AGAP1: variants seen among roughly 807,000 people sequenced by gnomAD.
The protein encoded by AGAP1 is ArfGAP with GTPase domain, ankyrin repeat and PH domain 1, also known as arf-GAP with GTPase, ANK repeat and PH domain-containing protein 1.
AGAP1 carries 29 observed loss-of-function variants against 105.3 expected under a neutral mutation model. That is an observed-to-expected ratio of 0.28 (90% CI 0.21 to 0.38). The LOEUF (loss-of-function observed/expected upper bound fraction) is 0.38. Ranked by LOEUF, AGAP1 falls within the 10% of genes least tolerant of loss-of-function variation. The probability of loss-of-function intolerance (pLI) is 1.00; values close to 1 mark genes in which losing one functional copy is unlikely to be tolerated. For missense variants in AGAP1, 998 were observed against 1,165.1 expected (o/e 0.86, Z 2.09); for synonymous variants, 509 against 485.9 (o/e 1.05, Z -0.63).
In AGAP1 at chr2:235,625,102, C is replaced by T. The variant is rs547338121; in HGVS notation, c.164-84077C>T. On this transcript the variant is annotated intron_variant, in intron 1 of 17. Transcript: ENST00000304032. The surrounding 1 kb of genome is among the most constrained non-coding windows in gnomAD (Gnocchi z 4.0). ...TCCTTTAGAGTAATGCAAGAATGGACTAACACAGCAGGTGTGATCATTGGA... is the reference window on the plus strand; with the variant it reads ...TCCTTTAGAGTAATGCAAGAATGGATTAACACAGCAGGTGTGATCATTGGA... Among the ~76,000 whole-genome samples, 1 of 152,294 alleles carries T rather than the reference C, an allele frequency of 6.6e-6. No homozygotes were observed. The highest frequency in any genetic ancestry group is 2.1e-4 in the South Asian group (1 of 4,826).
At chr2:235,654,452 G>T (rs1286099940) in intron 1 of AGAP1, among the ~76,000 whole-genome samples, 3 of 152,228 alleles carry the variant, frequency 2.0e-5, no homozygotes, top group Non-Finnish European at 4.4e-5. Flanking sequence ...GATGGCTTCA[G>T]AAGGGGCACA....
At chr2:235,920,985 A>G (rs556914913) in intron 11 of AGAP1, among the ~76,000 whole-genome samples, 1 of 152,302 alleles carries the variant, frequency 6.6e-6, no homozygotes, top group South Asian at 2.1e-4. Flanking sequence ...TATGGACTAA[A>G]TTGCTTTAAA....
At chr2:235,814,863 T>A (rs897235204) in intron 9 of AGAP1, among the ~76,000 whole-genome samples, 7 of 152,122 alleles carry the variant, frequency 4.6e-5, no homozygotes, top group Non-Finnish European at 1.0e-4. Flanking sequence ...GGACTCTGGC[T>A]GCTCTGCAGA....
In AGAP1 at chr2:235,977,789, G is replaced by A. The variant is rs1037455942; in HGVS notation, c.1645+9166G>A. ...TTGACTAATGCAAAACTTAGTCTGT[G>A]TGGAAGCAACTTGGCAAATGGGGAG... On this transcript the variant is annotated intron_variant, in intron 13 of 17. Coordinates refer to ENST00000304032, the MANE Select transcript of AGAP1 (RefSeq NM_001037131.3). The surrounding 1 kb of genome is among the most constrained non-coding windows in gnomAD (Gnocchi z 5.2). 2.0e-5 allele frequency among the ~76,000 whole-genome samples: 3 copies of A among 152,312 alleles called. No homozygotes were observed. Among genetic ancestry groups the A allele is most frequent in the Admixed American group, 6.5e-5 (1 of 15,300 alleles).
rs1043161448 is a variant in AGAP1, at chr2:235,736,643, C to A, written c.311-4320C>A. Among the ~76,000 whole-genome samples the A allele has an allele frequency of 6.6e-6, 1 of 152,056 alleles. No individual in the cohort carries two copies. Among genetic ancestry groups the A allele is most frequent in the African/African-American group, 2.4e-5 (1 of 41,394 alleles). Reference sequence around the variant, plus strand: ...GCTGAGGCAGGTAGACCGCTTGAGCCCAGGAGTTCGAGACCAGCCTGGGCA... The same window carrying A: ...GCTGAGGCAGGTAGACCGCTTGAGCACAGGAGTTCGAGACCAGCCTGGGCA... On this transcript the variant is annotated intron_variant, in intron 3 of 17. Transcript: ENST00000304032. This position sits in a 1 kb window ranked among gnomAD's most constrained non-coding sequence, Gnocchi z 5.5.
In AGAP1 at chr2:235,549,084, C is replaced by G. The variant is rs917390326; in HGVS notation, c.163+54235C>G. ...GGGACCTGCTCTCCTTGTAGAGACA[C>G]AACCCCAGGGTACTTGGAGCTCATG... On this transcript the variant is annotated intron_variant, in intron 1 of 17. Coordinates refer to ENST00000304032, the MANE Select transcript of AGAP1 (RefSeq NM_001037131.3). The surrounding 1 kb of genome is among the most constrained non-coding windows in gnomAD (Gnocchi z 4.2). 3.9e-5 allele frequency among the ~76,000 whole-genome samples: 6 copies of G among 152,240 alleles called. No homozygotes were observed. Among genetic ancestry groups the G allele is most frequent in the African/African-American group, 1.4e-4 (6 of 41,474 alleles).
At chr2:235,530,808 T>G (rs1943019165) in intron 1 of AGAP1, among the ~76,000 whole-genome samples, 1 of 152,212 alleles carries the variant, frequency 6.6e-6, no homozygotes, top group Admixed American at 6.5e-5. Flanking sequence ...AAAGTCACAG[T>G]TGCAGGTTCT....
Position 236,121,986 on chromosome 2 carries a change from C to G in AGAP1, c.2370+1539C>G, listed in dbSNP as rs2059911303. On this transcript the variant is annotated intron_variant, in intron 17 of 17. Coordinates refer to ENST00000304032, the MANE Select transcript of AGAP1 (RefSeq NM_001037131.3). The surrounding 1 kb of genome is among the most constrained non-coding windows in gnomAD (Gnocchi z 4.9). ...CTTCTTTTTGGGACAAAGTCTTGCT[C>G]TGTCGTCCAGGCTGGAGTGCAGTGG... Among the ~76,000 whole-genome samples, 1 of 147,522 alleles carries G rather than the reference C, an allele frequency of 6.8e-6. No individual in the cohort carries two copies. Among genetic ancestry groups the G allele is most frequent in the East Asian group, 2.1e-4 (1 of 4,786 alleles).
At chr2:235,784,321 A>G (rs771071411) in intron 6 of AGAP1, among the ~76,000 whole-genome samples, 11 of 152,188 alleles carry the variant, frequency 7.2e-5, no homozygotes, top group Admixed American at 2.6e-4. Context: ...TTCTTTGAAG[A>G]ATTTCACTAA....
chr2:235,643,204 G>A (rs944363549), intron 1 of AGAP1, among the ~76,000 whole-genome samples: 1 of 151,888 alleles, frequency 6.6e-6, no homozygotes, highest in Admixed American at 6.6e-5. Context: ...AGGCCGAGGC[G>A]GGTGGATCAC....
chr2:236,024,019 T>TG lies in AGAP1; in HGVS notation c.1646-12542_1646-12541insG, dbSNP rs1282353029. Among the ~76,000 whole-genome samples the TG allele has an allele frequency of 1.6e-4, 13 of 81,786 alleles. No homozygotes were observed. In the South Asian group the frequency reaches 2.8e-3, roughly 17 times the overall value. 53.7% of individuals were successfully genotyped at this position (81,786 alleles called of 152,430 possible). Reference sequence around the variant, plus strand: ...GCACCCATCAGTAGTTTGTGGTTGGTTGTTTTTTTTTTTTGTTTTTTTTTT... The same window carrying TG: ...GCACCCATCAGTAGTTTGTGGTTGGTGTGTTTTTTTTTTTTGTTTTTTTTTT... On this transcript the variant is annotated intron_variant, in intron 13 of 17. Transcript: ENST00000304032.
chr2:236,117,805 A>G (rs1253426744), intron 16 of AGAP1, among the ~76,000 whole-genome samples: 1 of 152,224 alleles, frequency 6.6e-6, no homozygotes, highest in African/African-American at 2.4e-5. Flanking sequence ...TTAAAATAGT[A>G]TCAGAACTGC....
intron 1 of AGAP1, among the ~76,000 whole-genome samples, chr2:235,698,116 C>A (rs1950080816): frequency 6.6e-6 from 1 of 152,082 alleles, no homozygotes; most frequent in African/African-American, 2.4e-5. Context: ...ATTAGATTCT[C>A]ATAAAGAGCA....
rs539165733 is a variant in AGAP1, at chr2:235,769,675, G to A, written c.673+19187G>A. Among the ~76,000 whole-genome samples the A allele has an allele frequency of 2.6e-5, 4 of 151,996 alleles. No homozygotes were observed. The highest frequency in any genetic ancestry group is 6.6e-5 in the Admixed American group (1 of 15,252). On this transcript the variant is annotated intron_variant, in intron 6 of 17. Transcript: ENST00000304032. This position sits in a 1 kb window ranked among gnomAD's most constrained non-coding sequence, Gnocchi z 4.4. ...ATACAATTAATTGCTGTAAAATATCGTGGTCAAAATCTCGGGGAGGCAGTG... is the reference window on the plus strand; with the variant it reads ...ATACAATTAATTGCTGTAAAATATCATGGTCAAAATCTCGGGGAGGCAGTG...
chr2:236,083,267 A>G lies in AGAP1; in HGVS notation c.2114+33986A>G, dbSNP rs2058835874. On this transcript the variant is annotated intron_variant, in intron 16 of 17. Transcript: ENST00000304032. The surrounding 1 kb of genome is among the most constrained non-coding windows in gnomAD (Gnocchi z 5.3). ...GCTTCGGTCTCAGGTTTTTCAGGTC[A>G]GTGTGTGCCTAATAATGCAGATGTC... Among the ~76,000 whole-genome samples, 1 of 152,198 alleles carries G rather than the reference A, an allele frequency of 6.6e-6. No homozygotes were observed. The highest frequency in any genetic ancestry group is 2.1e-4 in the South Asian group (1 of 4,834).
rs116237915 is a variant in AGAP1, at chr2:235,741,623, G to C, written c.396+575G>C. Among the ~76,000 whole-genome samples, 1,164 of 152,202 alleles carry C rather than the reference G, an allele frequency of 7.6e-3. 7 individuals are homozygous for C. The highest frequency in any genetic ancestry group is 0.025 in the African/African-American group (1,039 of 41,528). On this transcript the variant is annotated intron_variant, in intron 4 of 17. Coordinates refer to ENST00000304032, the MANE Select transcript of AGAP1 (RefSeq NM_001037131.3). This position sits in a 1 kb window ranked among gnomAD's most constrained non-coding sequence, Gnocchi z 4.9. ...GAAATAACAAAACATGAGTGTGGAA[G>C]ATCTCTTTTTTTGGTTTATTTAACC...
At position 236,062,648 on chromosome 2, in the gene AGAP1, TTGTTTG is replaced by T. The variant is rs913177925; in HGVS notation, c.2114+13369_2114+13374del. ...ATGCCTCCACACTCAGCTATTTTGT[TTGTTTG>T]TTTGTTTGTTTTTGTTTGTTTGTTT... is the stretch of plus-strand genomic sequence containing the variant. On this transcript the variant is annotated intron_variant, in intron 16 of 17. Transcript: ENST00000304032. The surrounding 1 kb of genome is among the most constrained non-coding windows in gnomAD (Gnocchi z 4.2). Among the ~76,000 whole-genome samples, 7 of 150,884 alleles carry T rather than the reference TTGTTTG, an allele frequency of 4.6e-5. No homozygotes were observed. Among genetic ancestry groups the T allele is most frequent in the Non-Finnish European group, 7.4e-5 (5 of 67,814 alleles).
intron 12 of AGAP1, among the ~76,000 whole-genome samples, chr2:235,950,492 C>T (rs1040153737): frequency 6.6e-6 from 1 of 152,072 alleles, no homozygotes; most frequent in African/African-American, 2.4e-5. Flanking sequence ...TGGGGGCTGG[C>T]AGCGCTGGGA....
In AGAP1 at chr2:235,789,438, C is replaced by T. The variant is rs752971628; in HGVS notation, c.674-8321C>T. 2.0e-5 allele frequency among the ~76,000 whole-genome samples: 3 copies of T among 151,918 alleles called. No individual in the cohort carries two copies. The highest frequency in any genetic ancestry group is 3.9e-4 in the East Asian group (2 of 5,186). On this transcript the variant is annotated intron_variant, in intron 6 of 17. Coordinates refer to ENST00000304032, the MANE Select transcript of AGAP1 (RefSeq NM_001037131.3). This position sits in a 1 kb window ranked among gnomAD's most constrained non-coding sequence, Gnocchi z 4.2. ...AATTAACAACCCTAATAGGTAATTGCGACATAAATGAAGATAAATTTGTTT... is the reference window on the plus strand; with the variant it reads ...AATTAACAACCCTAATAGGTAATTGTGACATAAATGAAGATAAATTTGTTT...
Sources: gnomAD v4.1 joint callset for allele counts (sites outside exome capture counted in the v4.1 genomes callset) on GRCh38, gnomAD v4.1.1 for gene constraint, Gnocchi (gnomAD v3.1) non-coding constraint, MANE v1.5 for transcripts, NCBI Gene and HGNC (gene_info 2026-07-23, HGNC 2026-07-21) for gene names.